The following C1orf141 variants were observed in gnomAD, a reference collection of about 807,000 sequenced individuals.
C1orf141 encodes the protein uncharacterized protein C1orf141.
In C1orf141, 19 loss-of-function variants were observed where a neutral mutation model predicts 23.2. The observed-to-expected ratio is 0.82, with a 90% CI of 0.57 to 1.20. The LOEUF (loss-of-function observed/expected upper bound fraction) is 1.20. Among genes scored for constraint, C1orf141 ranks in the 50% most tolerant of loss-of-function variants. The pLI, the probability that C1orf141 is intolerant of heterozygous loss-of-function variation, is 0.00. For synonymous variants in C1orf141, 153 were observed against 154.6 expected (o/e 0.99, Z 0.08); for missense variants, 469 against 455.1 (o/e 1.03, Z -0.28).
chr1:67,096,930 G>T (rs1645693988), intron 5 of C1orf141, among the ~76,000 whole-genome samples: 1 of 152,158 alleles, frequency 6.6e-6, no homozygotes, highest in Non-Finnish European at 1.5e-5. Context: ...GTCTGGGCAG[G>T]CTACCACAGG....
At chr1:67,114,900 T>G (rs1252462329) in intron 5 of C1orf141, among the ~76,000 whole-genome samples, 1 of 152,212 alleles carries the variant, frequency 6.6e-6, no homozygotes, top group Non-Finnish European at 1.5e-5. Flanking sequence ...GGTCTCGAAC[T>G]CCTGACCTCA....
chr1:67,099,056 T>G (rs6690573), intron 5 of C1orf141, among the ~76,000 whole-genome samples: 119,259 of 152,086 alleles, frequency 0.78, 46,801 homozygotes, highest in East Asian at 0.85. Context: ...TAGAGGAAAT[T>G]GTAAAGAATC....
intron 5 of C1orf141, among the ~76,000 whole-genome samples, chr1:67,112,316 T>A (rs1378141643): frequency 6.6e-6 from 1 of 152,184 alleles, no homozygotes; most frequent in African/African-American, 2.4e-5. Context: ...GTTGATCAAC[T>A]ATATGCCAGA....
At chr1:67,121,345 C>T (rs1646295499) in intron 4 of C1orf141, among the ~76,000 whole-genome samples, 2 of 152,142 alleles carry the variant, frequency 1.3e-5, no homozygotes, top group South Asian at 4.1e-4. Flanking sequence ...TAAGTTTAAT[C>T]TTCATCATTA....
At position 67,114,666 on chromosome 1, in the gene C1orf141, C is replaced by T. The variant is rs549452088; in HGVS notation, c.346+686G>A. Among the ~76,000 whole-genome samples, 11 of 152,178 alleles carry T rather than the reference C, an allele frequency of 7.2e-5. No homozygotes were observed. The South Asian group carries it at 1.2e-3, about 17-fold the overall frequency. On this transcript the variant is annotated intron_variant, in intron 5 of 7. Coordinates refer to ENST00000684719, the MANE Select transcript of C1orf141 (RefSeq NM_001276351.2). Reference sequence around the variant, plus strand: ...ACTGATAATGCTGATTCCTAGCTCACGGACTCCTAAAATTTCTTTTTTATT... The same window carrying T: ...ACTGATAATGCTGATTCCTAGCTCATGGACTCCTAAAATTTCTTTTTTATT...
intron 2 of C1orf141, 128 bp from the exon 3 acceptor site, chr1:67,127,385 C>T: frequency 1.7e-6 from 1 of 578,514 alleles, no homozygotes; most frequent in South Asian, 2.4e-5. Context: ...TTAAATCATA[C>T]AGTAAATCAT....
At chr1:67,106,671 G>T (rs534681178) in intron 5 of C1orf141, among the ~76,000 whole-genome samples, 1 of 151,688 alleles carries the variant, frequency 6.6e-6, no homozygotes. Flanking sequence ...AACAAAAACA[G>T]AAACCAGCCA....
At chr1:67,121,776 A>C (rs1294915970) in intron 4 of C1orf141, 1 of 152,208 alleles carries the variant, frequency 6.6e-6, no homozygotes, top group East Asian at 1.9e-4. Flanking sequence ...TACCCATATA[A>C]GAGAAAAAAG....
At chr1:67,124,602 A>G (rs1057118838) in intron 4 of C1orf141, among the ~76,000 whole-genome samples, 5 of 152,224 alleles carry the variant, frequency 3.3e-5, no homozygotes, top group Non-Finnish European at 5.9e-5. Flanking sequence ...TACAGGCGTG[A>G]GCCACCATGC....
chr1:67,133,256 G>A (rs1307171999), intron 1 of C1orf141, among the ~76,000 whole-genome samples: 1 of 152,114 alleles, frequency 6.6e-6, no homozygotes, highest in African/African-American at 2.4e-5. Flanking sequence ...CAAACTAAAG[G>A]CCTGAGAAAT....
chr1:67,128,960 C>A (rs186034257), intron 2 of C1orf141, among the ~76,000 whole-genome samples: 96 of 152,258 alleles, frequency 6.3e-4, no homozygotes, highest in Admixed American at 2.0e-3. Context: ...GAGAAAGATT[C>A]AGGATCCGAT....
In C1orf141 at chr1:67,093,422, A is replaced by C. The variant is rs139714797; in HGVS notation, c.786T>G (p.Ser262=). 6.2e-7 allele frequency: 1 copy of C among 1,611,844 alleles called. No individual in the cohort carries two copies. Among genetic ancestry groups the C allele is most frequent in the African/African-American group, 1.3e-5 (1 of 74,942 alleles). Residue 262 remains serine, a synonymous_variant, in exon 8 of 8, where the codon TCT becomes TCG. Coordinates refer to ENST00000684719, the MANE Select transcript of C1orf141 (RefSeq NM_001276351.2). ...TTTTTTGGGGTTTGAAAAGAGAAAT[A>C]GATTGATTGCCAATTATAGATTTGA... The part of the protein sequence containing the change: ...EILKSIIGNQ[S]ISLFKPQKTM...
intron 4 of C1orf141, chr1:67,122,449 G>T (rs1040872281): frequency 6.6e-6 from 1 of 152,268 alleles, no homozygotes; most frequent in East Asian, 1.9e-4. Flanking sequence ...CTTGTGGTCA[G>T]ACTTAAGGAT....
At position 67,092,381 on chromosome 1, in the gene C1orf141, C is replaced by G. The variant is rs1645575348; in HGVS notation, c.*624G>C. 1 of 152,022 alleles carries G rather than the reference C, an allele frequency of 6.6e-6. No individual in the cohort carries two copies. Among genetic ancestry groups the G allele is most frequent in the Admixed American group, 6.6e-5 (1 of 15,262 alleles). The allele number at this position is 152,022 out of a possible 1,614,324, so 9.4% of individuals were successfully genotyped here. On this transcript the variant is annotated 3_prime_UTR_variant, in exon 8 of 8. Transcript: ENST00000684719. ...TTTAATACCTTATAGGATTTGCTAC[C>G]AAAATTATTTAGATTAAGGATAGTT...
intron 5 of C1orf141, chr1:67,102,803 A>G (rs761385579): frequency 1.3e-5 from 2 of 152,344 alleles, no homozygotes; most frequent in Non-Finnish European, 2.9e-5. Context: ...TGATGACATT[A>G]TAAAGCCCCT....
chr1:67,123,413 C>A (rs1235259039), intron 4 of C1orf141: 1 of 152,002 alleles, frequency 6.6e-6, no homozygotes, highest in South Asian at 2.1e-4. Flanking sequence ...AAATCCTGTC[C>A]TCAACTGATC....
chr1:67,129,822 G>C (rs960659417), intron 2 of C1orf141, among the ~76,000 whole-genome samples: 1 of 152,140 alleles, frequency 6.6e-6, no homozygotes, highest in Non-Finnish European at 1.5e-5. Flanking sequence ...AATCTTGTCA[G>C]TGCCTCAAAA....
chr1:67,138,801 C>A (rs565944842), upstream of C1orf141: 1 of 152,452 alleles, frequency 6.6e-6, no homozygotes, highest in South Asian at 2.1e-4. Flanking sequence ...GACTTCAGAA[C>A]TTCTGCAGCC....
intron 5 of C1orf141, among the ~76,000 whole-genome samples, chr1:67,098,178 A>G (rs866217267): frequency 7.2e-5 from 11 of 152,284 alleles, no homozygotes; most frequent in African/African-American, 2.2e-4. Context: ...AGAGTGACAT[A>G]TAGTGAGTGG....
Sources: allele counts gnomAD v4.1 joint callset (sites outside exome capture counted in the v4.1 genomes callset), GRCh38; gene constraint gnomAD v4.1.1; transcripts MANE v1.5; gene names NCBI Gene and HGNC (gene_info 2026-07-23, HGNC 2026-07-21).